The following ZNF568 variants were observed in gnomAD, a reference collection of about 807,000 sequenced individuals.
The protein encoded by ZNF568 is p53 inhibitor of SCO2 activation.
In ZNF568, 11 loss-of-function variants were observed where a neutral mutation model predicts 18.1. That is an observed-to-expected ratio of 0.61 (90% CI 0.38 to 1.00). ZNF568 has a LOEUF of 1.00. ZNF568 is among the 50% of genes least tolerant of loss of function. ZNF568 has a pLI of 0.01. For missense variants in ZNF568, 639 were observed against 768.2 expected, an observed-to-expected ratio of 0.83 and a Z score of 1.99; for synonymous variants, 213 against 246.6, an observed-to-expected ratio of 0.86 and a Z score of 1.28.
At chr19:36,967,323 G>A (rs2074201714) in intron 6 of ZNF568, among the ~76,000 whole-genome samples, 1 of 152,092 alleles carries the variant, frequency 6.6e-6, no homozygotes, top group African/African-American at 2.4e-5. Flanking sequence ...CAACACTTTG[G>A]GAAGCTGAGG....
intron 4 of ZNF568, among the ~76,000 whole-genome samples, chr19:36,934,810 T>G (rs1380757864): frequency 2.0e-5 from 3 of 152,238 alleles, no homozygotes; most frequent in Admixed American, 1.3e-4. Context: ...ATCCATTGGT[T>G]ATTTCAGAAT....
intron 6 of ZNF568, among the ~76,000 whole-genome samples, chr19:36,941,655 G>T (rs1472144461): frequency 6.6e-6 from 1 of 152,142 alleles, no homozygotes; most frequent in Non-Finnish European, 1.5e-5. Flanking sequence ...TATGCAGACT[G>T]CACAAAAGAT....
At chr19:36,936,905 GAGAATTCTTTTCCA>G in intron 5 of ZNF568, 33 bp downstream of exon 5, 1 of 1,604,718 alleles carries the variant, frequency 6.2e-7, no homozygotes. Context: ...CAATTTAACA[GAGAATTCTTTTCCA>G]TTTCTGAAAT....
intron 4 of ZNF568, among the ~76,000 whole-genome samples, chr19:36,995,672 G>T (rs536390577): frequency 1.8e-4 from 27 of 149,456 alleles, no homozygotes; most frequent in Admixed American, 2.0e-4. Flanking sequence ...TACCATTTTT[G>T]TTCCTATATT....
At chr19:36,959,957 T>A (rs1158072976) in intron 6 of ZNF568, among the ~76,000 whole-genome samples, 1 of 152,080 alleles carries the variant, frequency 6.6e-6, no homozygotes, top group Non-Finnish European at 1.5e-5. Context: ...ACTTTTCATT[T>A]TGTGGATCCT....
chr19:36,950,354 C>A lies in ZNF568; in HGVS notation c.1201C>A (p.Gln401Lys). ...TAATAAATGTGGAAAAGCTTTCTCT[C>A]AATGCTCAGTATTTATTATACATAT... ...KCNKCGKAFS[Q>K]CSVFIIHMRS... The change falls in exon 7 of 7, where the codon CAA (glutamine) becomes AAA (lysine). Residue 401 changes from glutamine (Q) to lysine (K), a missense_variant. Physicochemically the swap from Gln to Lys is moderately conservative, Grantham distance 53 (BLOSUM62 1). Coordinates refer to ENST00000333987, the MANE Select transcript of ZNF568 (RefSeq NM_198539.4). 2 of 1,613,814 alleles carry A rather than the reference C, an allele frequency of 1.2e-6. No individual in the cohort carries two copies. Among genetic ancestry groups the A allele is most frequent in the Non-Finnish European group, 1.7e-6 (2 of 1,179,828 alleles).
downstream of ZNF568, among the ~76,000 whole-genome samples, chr19:36,982,698 T>C (rs564109514): frequency 1.0e-3 from 157 of 152,262 alleles, 1 homozygote; most frequent in Non-Finnish European, 1.8e-3. Context: ...AAGAGCAAAA[T>C]TCCATCTCAA....
chr19:36,923,687 G>T (rs485980), intron 3 of ZNF568, among the ~76,000 whole-genome samples: 3,936 of 151,658 alleles, frequency 0.026, 182 homozygotes, highest in African/African-American at 0.089. Flanking sequence ...ATGTGACTAT[G>T]CCATGTTGGG....
chr19:36,972,617 C>T, intron 6 of ZNF568, among the ~76,000 whole-genome samples: 1 of 127,670 alleles, frequency 7.8e-6, no homozygotes, highest in East Asian at 2.2e-4. Flanking sequence ...CAAACTTAGC[C>T]ACCCGGCTTT....
intron 6 of ZNF568, among the ~76,000 whole-genome samples, chr19:36,964,288 G>A (rs1344322194): frequency 2.8e-5 from 4 of 142,176 alleles, no homozygotes; most frequent in African/African-American, 7.8e-5. Context: ...GGGAGGGAGG[G>A]TCCAAGTCAC....
chr19:36,919,839 A>G (rs1268200441), intron 2 of ZNF568, among the ~76,000 whole-genome samples: 3 of 152,194 alleles, frequency 2.0e-5, no homozygotes, highest in African/African-American at 7.2e-5. Flanking sequence ...GCTGTAAACA[A>G]ACCTACTCTG....
chr19:36,955,850 T>C (rs1184505011), downstream of ZNF568, among the ~76,000 whole-genome samples: 1 of 147,110 alleles, frequency 6.8e-6, no homozygotes, highest in Non-Finnish European at 1.5e-5. Flanking sequence ...GGATAACTCC[T>C]ATGTTTTTAT....
chr19:36,949,871 CAT>C lies in ZNF568; in HGVS notation c.719_720del (p.His240ArgfsTer13). ...DFSHKFDLIR[H>X]ERIHAGEKPY... is the part of the protein sequence containing the mutation. The stretch of plus-strand genomic sequence containing the variant: ...CAGTCATAAATTTGACCTCATTAGA[CAT>C]GAGCGAATTCATGCTGGAGAGAAAC... On this transcript the variant is annotated frameshift_variant, in exon 7 of 7. Transcript: ENST00000333987. LOFTEE classifies it low-confidence loss of function (END_TRUNC). 1 of 1,613,958 alleles carries C rather than the reference CAT, an allele frequency of 6.2e-7. No homozygotes were observed.
At chr19:36,997,019 G>T in exon 5 of ZNF568, 1 of 1,558,894 alleles carries the variant, frequency 6.4e-7, no homozygotes, top group Non-Finnish European at 8.6e-7. Context: ...CGACATCAAA[G>T]AATCCATACG....
intron 6 of ZNF568, among the ~76,000 whole-genome samples, chr19:36,971,264 GT>G (rs35463773): frequency 6.1e-5 from 9 of 146,656 alleles, no homozygotes; most frequent in Non-Finnish European, 9.0e-5. Flanking sequence ...AACTCTTTAT[GT>G]TTTTTTTTTC....
At chr19:36,946,095 A>AAAT (rs1015504151) in intron 6 of ZNF568, among the ~76,000 whole-genome samples, 4 of 151,946 alleles carry the variant, frequency 2.6e-5, no homozygotes, top group East Asian at 1.9e-4. Context: ...CTCTGTCTCA[A>AAAT]AATAATAATA....
chr19:36,928,777 G>C (rs909176094), intron 4 of ZNF568, among the ~76,000 whole-genome samples: 1 of 151,788 alleles, frequency 6.6e-6, no homozygotes, highest in Non-Finnish European at 1.5e-5. Flanking sequence ...AAAAAAACCC[G>C]AAAGAAAAAA....
At chr19:36,995,705 A>C (rs1408928865) in intron 4 of ZNF568, among the ~76,000 whole-genome samples, 1 of 151,890 alleles carries the variant, frequency 6.6e-6, no homozygotes, top group Admixed American at 6.6e-5. Flanking sequence ...GTAGTCTTTG[A>C]AATTATTTTC....
intron 6 of ZNF568, among the ~76,000 whole-genome samples, chr19:36,972,437 G>A (rs565586166): frequency 1.3e-5 from 2 of 152,100 alleles, no homozygotes; most frequent in East Asian, 1.9e-4. Context: ...TCGGCATCCT[G>A]AGCCTGTGAC....
Sources: gnomAD v4.1 joint callset for allele counts (sites outside exome capture counted in the v4.1 genomes callset) on GRCh38, gnomAD v4.1.1 for gene constraint, MANE v1.5 for transcripts, NCBI Gene and HGNC (gene_info 2026-07-23, HGNC 2026-07-21) for gene names.